The following GPR108 variants were observed in gnomAD, a reference collection of about 807,000 sequenced individuals.
The protein encoded by GPR108 is G protein-coupled receptor 108, also known as protein GPR108.
In GPR108, 60 loss-of-function variants were observed where a neutral mutation model predicts 74.3. The ratio of observed to expected loss-of-function variants is 0.81; its 90% CI spans 0.66 to 1.00. The LOEUF (loss-of-function observed/expected upper bound fraction) is 1.00, where lower values mean the gene tolerates loss of function less well. Ranked by LOEUF, GPR108 falls within the 50% of genes least tolerant of loss-of-function variation. The pLI is 0.00. For missense variants in GPR108, 667 were observed against 703.3 expected (o/e 0.95, Z 0.58); for synonymous variants, 311 against 292.4 (o/e 1.06, Z -0.65).
intron 1 of GPR108, chr19:6,737,042 C>T (rs80174984): frequency 7.3e-6 from 3 of 409,690 alleles, no homozygotes; most frequent in Non-Finnish European, 1.4e-5. Flanking sequence ...TCCAGTTGAG[C>T]TCCCAGCAAT....
chr19:6,736,107 G>A, intron 2 of GPR108, 149 bp from the exon 3 acceptor site: 1 of 710,434 alleles, frequency 1.4e-6, no homozygotes, highest in Non-Finnish European at 2.3e-6. Context: ...TTTTAGAGTT[G>A]GGGTGGTGGG....
intron 17 of GPR108, 108 bp from the exon 18 acceptor site, chr19:6,730,492 C>G: frequency 1.1e-6 from 1 of 894,790 alleles, no homozygotes; most frequent in South Asian, 1.4e-5. Flanking sequence ...CACAGCAGCC[C>G]TGGCCTTGCC....
Position 6,731,281 on chromosome 19 carries a change from A to G in GPR108, c.1352T>C (p.Val451Ala). ...LKLFRHYYVM[V>A]ICYVYFTRII... is the part of the protein sequence containing the mutation. ...GCGGGTGAAGTAGACGTAGCAGATG[A>G]CCTGCAGGGGCGCGAGCAGGCGTGG... Residue 451 changes from valine (V) to alanine (A), a missense_variant and splice_region_variant, in exon 16 of 18, where the codon GTC becomes GCC. By Grantham distance (64) the Val-to-Ala change is moderately conservative. Transcript: ENST00000264080. The G allele has an allele frequency of 1.3e-6, 2 of 1,547,080 alleles. No homozygotes were observed. Among genetic ancestry groups the G allele is most frequent in the Non-Finnish European group, 1.7e-6 (2 of 1,143,888 alleles).
At position 6,730,400 on chromosome 19, in the gene GPR108, G is replaced by A. The variant is rs1479082478; in HGVS notation, c.1560-16C>T. On this transcript the variant is annotated splice_polypyrimidine_tract_variant and intron_variant, in intron 17 of 17. Transcript: ENST00000264080. ...GTCCGTCATTCTGGGGGCAGACAGC[G>A]AGGAGGCGTCTAGCGTTGCAGGGCA... 2.5e-6 allele frequency: 4 copies of A among 1,610,586 alleles called. No individual in the cohort carries two copies. The South Asian group carries it at 3.3e-5, about 13-fold the overall frequency.
At position 6,729,942 on chromosome 19, in the gene GPR108, A is replaced by G; in HGVS notation, c.*370T>C. On this transcript the variant is annotated 3_prime_UTR_variant, in exon 18 of 18. Transcript: ENST00000264080. ...CTGAATGAATATTTATTGAATATAC[A>G]AAGACACGGACCCTGTGCCCGCGCC... is the stretch of plus-strand genomic sequence containing the variant. 1 of 226,484 alleles carries G rather than the reference A, an allele frequency of 4.4e-6. No individual in the cohort carries two copies. The highest frequency in any genetic ancestry group is 8.8e-6 in the Non-Finnish European group (1 of 113,158). 14.0% of individuals were successfully genotyped at this position (226,484 alleles called of 1,614,324 possible).
chr19:6,732,282 C>A lies in GPR108; in HGVS notation c.1106G>T (p.Gly369Val). ...CCGCACCTGCATGGGGATCACGATC[C>A]CAAAGACCTTCTTCTCCTTATCCGA... ...VLSDKEKKVF[G>V]IVIPMQVLAN... Residue 369 changes from glycine (G) to valine (V), a missense_variant, in exon 12 of 18, where the codon GGG (glycine) becomes GTG (valine). Coordinates refer to ENST00000264080, the MANE Select transcript of GPR108 (RefSeq NM_001080452.2). 1 of 1,612,692 alleles carries A rather than the reference C, an allele frequency of 6.2e-7. No homozygotes were observed. The highest frequency in any genetic ancestry group is 1.1e-5 in the South Asian group (1 of 91,080).
chr19:6,729,922 T>C lies in GPR108; in HGVS notation c.*390A>G, dbSNP rs1968315000. ...GGCCCTGCATGCAGCGGTTACTGAA[T>C]GAATATTTATTGAATATACAAAGAC... On this transcript the variant is annotated 3_prime_UTR_variant, in exon 18 of 18. Transcript: ENST00000264080. 5.1e-6 allele frequency: 1 copy of C among 197,932 alleles called. No individual in the cohort carries two copies. Among genetic ancestry groups the C allele is most frequent in the Non-Finnish European group, 1.0e-5 (1 of 95,638 alleles). The allele number at this position is 197,932 out of a possible 1,614,324, so 12.3% of individuals were successfully genotyped here. A position where few individuals can be genotyped will look rare whatever the true frequency, so the allele number is the denominator to read the frequency against.
At chr19:6,737,169 T>A (rs1005954456) in intron 1 of GPR108, 1 of 442,860 alleles carries the variant, frequency 2.3e-6, no homozygotes, top group Non-Finnish European at 4.0e-6. Context: ...ATTCCAAGAA[T>A]TTAAAGGACT....
chr19:6,733,352 GC>G (rs1260341636), intron 8 of GPR108, 51 bp from the exon 9 acceptor site: 6 of 1,574,564 alleles, frequency 3.8e-6, no homozygotes, highest in Non-Finnish European at 5.2e-6. Context: ...CCGACCGCTG[GC>G]CTGGGAGAGC....
rs1027427470 is a variant in GPR108, at chr19:6,735,966, G to A, written c.241-8C>T. The A allele has an allele frequency of 1.9e-6, 3 of 1,602,232 alleles. No homozygotes were observed. Among genetic ancestry groups the A allele is most frequent in the Non-Finnish European group, 2.6e-6 (3 of 1,174,098 alleles). On this transcript the variant is annotated splice_region_variant and splice_polypyrimidine_tract_variant and intron_variant, in intron 2 of 17. Transcript: ENST00000264080. ...GCTGAGACTGAACCCCACCTGGTGG[G>A]TGGAAAAAAAAAGGGGAGGGTGTGA... is the stretch of plus-strand genomic sequence containing the variant.
At chr19:6,731,798 AG>A in intron 14 of GPR108, 92 bp downstream of exon 14, 1 of 1,427,206 alleles carries the variant, frequency 7.0e-7, no homozygotes, top group Non-Finnish European at 9.7e-7. Context: ...GGGGCTGGGC[AG>A]AGAGGCCAGG....
chr19:6,732,312 A>T lies in GPR108; in HGVS notation c.1076T>A (p.Val359Asp). The T allele has an allele frequency of 6.2e-7, 1 of 1,613,156 alleles. No homozygotes were observed. Among genetic ancestry groups the T allele is most frequent in the Non-Finnish European group, 8.5e-7 (1 of 1,179,994 alleles). ...GACCTTCTTCTCCTTATCCGACAGGACGTACTTGATGAAGGCCCAGCCTGA... is the reference window on the plus strand; with the variant it reads ...GACCTTCTTCTCCTTATCCGACAGGTCGTACTTGATGAAGGCCCAGCCTGA... ...IGSGWAFIKY[V>D]LSDKEKKVFG... The change falls in exon 12 of 18, where the codon GTC (valine) becomes GAC (aspartate). Residue 359 changes from valine to aspartate, a missense_variant. Coordinates refer to ENST00000264080, the MANE Select transcript of GPR108 (RefSeq NM_001080452.2).
chr19:6,737,093 G>A (rs111798663), intron 1 of GPR108: 4,485 of 385,386 alleles, frequency 0.012, 192 homozygotes, highest in African/African-American at 0.084. Context: ...GTGCCCAGAG[G>A]ACCCCACTCT....
At chr19:6,730,565 C>T in intron 17 of GPR108, 181 bp from the exon 18 acceptor site, 1 of 610,184 alleles carries the variant, frequency 1.6e-6, no homozygotes, top group Non-Finnish European at 2.9e-6. Flanking sequence ...CAGGCCCTAC[C>T]CTTCTACTCC....
intron 5 of GPR108, 38 bp downstream of exon 5, chr19:6,734,145 G>C: frequency 3.1e-6 from 5 of 1,614,140 alleles, no homozygotes; most frequent in Non-Finnish European, 4.2e-6. Context: ...GGGCAGACCT[G>C]CCCATCCACC....
chr19:6,733,362 G>T, intron 8 of GPR108, 61 bp from the exon 9 acceptor site: 1 of 1,537,808 alleles, frequency 6.5e-7, no homozygotes, highest in Non-Finnish European at 8.9e-7. Context: ...GCCTGGGAGA[G>T]CAGCGAGTGG....
chr19:6,733,821 G>C (rs1730117485), intron 7 of GPR108, 24 bp downstream of exon 7: 1 of 1,613,248 alleles, frequency 6.2e-7, no homozygotes, highest in African/African-American at 1.3e-5. Context: ...TGACGGAAGG[G>C]CCGCAGGCGC....
intron 1 of GPR108, 78 bp downstream of exon 1, chr19:6,737,379 G>T: frequency 1.3e-6 from 2 of 1,482,740 alleles, no homozygotes; most frequent in South Asian, 1.2e-5. Context: ...GAGGGCGGAC[G>T]AGACCACTCC....
intron 1 of GPR108, chr19:6,737,004 CCT>C (rs1968665495): frequency 1.1e-5 from 5 of 439,380 alleles, no homozygotes; most frequent in Non-Finnish European, 1.7e-5. Flanking sequence ...GCGTGCCTGA[CCT>C]TCACCTTCCC....
Sources: allele counts gnomAD v4.1 joint callset, GRCh38; gene constraint gnomAD v4.1.1; transcripts MANE v1.5; gene names NCBI Gene and HGNC (gene_info 2026-07-23, HGNC 2026-07-21).